The following GCGR variants were observed in gnomAD, a reference collection of about 807,000 sequenced individuals.
GCGR encodes glucagon receptor.
A neutral mutation model predicts 56.1 loss-of-function variants in GCGR; 41 were observed. The observed-to-expected ratio is 0.73, with a 90% CI of 0.57 to 0.95. The LOEUF (loss-of-function observed/expected upper bound fraction) is 0.95. Among genes scored for constraint, GCGR ranks in the 40% least tolerant of loss-of-function variants. The probability of loss-of-function intolerance (pLI) is 0.00; values close to 1 mark genes in which losing one functional copy is unlikely to be tolerated. For synonymous variants in GCGR, 278 were observed against 271.1 expected, an observed-to-expected ratio of 1.03 and a Z score of -0.25; for missense variants, 595 against 638.2, an observed-to-expected ratio of 0.93 and a Z score of 0.73.
Position 81,813,423 on chromosome 17 carries a change from TG to T in GCGR, c.1219-49del. ...AGGCCCACAGCAGGTCCCGGTGGGG[TG>T]GAGAGGACAGGCAGGCCCTAGGACT... On this transcript the variant is annotated intron_variant, in intron 13 of 13. Coordinates refer to ENST00000400723, the MANE Select transcript of GCGR (RefSeq NM_000160.5). The surrounding 1 kb of genome is among the most constrained non-coding windows in gnomAD (Gnocchi z 5.3). 3 of 1,493,272 alleles carry T rather than the reference TG, an allele frequency of 2.0e-6. No individual in the cohort carries two copies. The highest frequency in any genetic ancestry group is 2.7e-6 in the Non-Finnish European group (3 of 1,112,162). 92.5% of individuals were successfully genotyped at this position (1,493,272 alleles called of 1,614,324 possible).
rs540328540 is a variant in GCGR, at chr17:81,808,845, C to T, written c.-174C>T. On this transcript the variant is annotated 5_prime_UTR_variant, in exon 2 of 14. Transcript: ENST00000400723. The stretch of plus-strand genomic sequence containing the variant: ...CCAGCTCCCTCTTTATCCCTAGGAC[C>T]CTGAGGCTCAGAGGGGCAGCTTCAG... 112 of 755,150 alleles carry T rather than the reference C, an allele frequency of 1.5e-4. 1 individual carries two copies. In the South Asian group the frequency reaches 1.8e-3, roughly 12 times the overall value. The allele number at this position is 755,150 out of a possible 1,614,324, so 46.8% of individuals were successfully genotyped here. A position where few individuals can be genotyped will look rare whatever the true frequency, so the allele number is the denominator to read the frequency against.
chr17:81,811,039 G>T lies in GCGR; in HGVS notation c.301G>T (p.Gly101Trp). 1 of 1,536,176 alleles carries T rather than the reference G, an allele frequency of 6.5e-7. No homozygotes were observed. The highest frequency in any genetic ancestry group is 8.7e-7 in the Non-Finnish European group (1 of 1,146,864). Residue 101 changes from glycine (G) to tryptophan (W), a missense_variant, in exon 5 of 14, where the codon GGG becomes TGG. Coordinates refer to ENST00000400723, the MANE Select transcript of GCGR (RefSeq NM_000160.5). The surrounding 1 kb of genome is among the most constrained non-coding windows in gnomAD (Gnocchi z 5.8). Reference sequence around the variant, plus strand: ...ACACCGCTTCGTGTTCAAGAGATGCGGGCCCGACGGTCAGTGGGTGCGTGG... The same window carrying T: ...ACACCGCTTCGTGTTCAAGAGATGCTGGCCCGACGGTCAGTGGGTGCGTGG... ...VQHRFVFKRC[G>W]PDGQWVRGPR...
rs986325450 is a variant in GCGR at position 81,813,276 on chromosome 17, C to T, written c.1219-198C>T. The stretch of plus-strand genomic sequence containing the variant: ...TCAGCCCCATCGCTACGGTGTCCAC[C>T]GTGGGGGTCCCCAGGTGTCTGCAGA... On this transcript the variant is annotated intron_variant, in intron 13 of 13. Transcript: ENST00000400723. This position sits in a 1 kb window ranked among gnomAD's most constrained non-coding sequence, Gnocchi z 5.3. 6.6e-6 allele frequency among the ~76,000 whole-genome samples: 1 copy of T among 152,180 alleles called. No individual in the cohort carries two copies. The highest frequency in any genetic ancestry group is 1.5e-5 in the Non-Finnish European group (1 of 68,000).
Position 81,812,024 on chromosome 17 carries a change from GC to G in GCGR, c.878+80del. 2 of 1,523,078 alleles carry G rather than the reference GC, an allele frequency of 1.3e-6. No homozygotes were observed. Among genetic ancestry groups the G allele is most frequent in the Non-Finnish European group, 1.8e-6 (2 of 1,135,520 alleles). The allele number at this position is 1,523,078 out of a possible 1,614,324, so 94.3% of individuals were successfully genotyped here. On this transcript the variant is annotated intron_variant, in intron 9 of 13. Transcript: ENST00000400723. The surrounding 1 kb of genome is among the most constrained non-coding windows in gnomAD (Gnocchi z 8.5). ...GCGCTCTGGCCTGAGGCAGGGAGGG[GC>G]CGGGGATGAGCCTGGTGCCTGGGGA...
chr17:81,811,008 A>C lies in GCGR; in HGVS notation c.272-2A>C. On this transcript the variant is annotated splice_acceptor_variant, in intron 4 of 13. Transcript: ENST00000400723. LOFTEE classifies it high-confidence loss of function. The surrounding 1 kb of genome is among the most constrained non-coding windows in gnomAD (Gnocchi z 5.8). ...GACCCCAGCCTCCCCCCACACCCCC[A>C]GTGCAACACCGCTTCGTGTTCAAGA... is the stretch of plus-strand genomic sequence containing the variant. The C allele has an allele frequency of 6.5e-7, 1 of 1,535,812 alleles. No homozygotes were observed. Among genetic ancestry groups the C allele is most frequent in the South Asian group, 1.2e-5 (1 of 84,054 alleles).
At position 81,811,626 on chromosome 17, in the gene GCGR, C is replaced by T. The variant is rs1013763978; in HGVS notation, c.658-25C>T. 4.0e-5 allele frequency: 62 copies of T among 1,535,850 alleles called. No homozygotes were observed. Among genetic ancestry groups the T allele is most frequent in the Middle Eastern group, 1.7e-4 (1 of 5,956 alleles). On this transcript the variant is annotated intron_variant, in intron 7 of 13. Transcript: ENST00000400723. This position sits in a 1 kb window ranked among gnomAD's most constrained non-coding sequence, Gnocchi z 5.8. ...GCAGCCAGGCAGGTGGCCACGTAGC[C>T]GCGCTCACACTGCACCTGTACCAGG...
rs1598238076 is a variant in GCGR at position 81,811,422 on chromosome 17, C to T, written c.519C>T (p.Arg173=). ...CCCACAGCAAGCTGCACTGCACCCG[C>T]AATGCCATCCACGCGAATCTGTTTG... ...LGGLSKLHCT[R]NAIHANLFAS... The change falls in exon 7 of 14, where the codon CGC becomes CGT. Residue 173 remains arginine (R), a synonymous_variant. Transcript: ENST00000400723. This position sits in a 1 kb window ranked among gnomAD's most constrained non-coding sequence, Gnocchi z 5.8. 6.5e-7 allele frequency: 1 copy of T among 1,536,500 alleles called. No individual in the cohort carries two copies. The highest frequency in any genetic ancestry group is 1.7e-4 in the Middle Eastern group (1 of 5,990).
Position 81,813,107 on chromosome 17 carries a change from CAG to C in GCGR, c.1218+51_1218+52del. 1 of 1,534,380 alleles carries C rather than the reference CAG, an allele frequency of 6.5e-7. No homozygotes were observed. Among genetic ancestry groups the C allele is most frequent in the Non-Finnish European group, 8.7e-7 (1 of 1,146,500 alleles). On this transcript the variant is annotated intron_variant, in intron 13 of 13. Transcript: ENST00000400723. This position sits in a 1 kb window ranked among gnomAD's most constrained non-coding sequence, Gnocchi z 5.3. ...GACCATCAGCACTGGCCGTCGGGGT[CAG>C]GGGCAGAGAGAGGCACAGGGATGCC...
In GCGR at chr17:81,811,694, G is replaced by A. The variant is rs886976203; in HGVS notation, c.701G>A (p.Gly234Asp). 1 of 1,542,000 alleles carries A rather than the reference G, an allele frequency of 6.5e-7. No individual in the cohort carries two copies. The highest frequency in any genetic ancestry group is 1.4e-5 in the African/African-American group (1 of 73,338). The change falls in exon 8 of 14, where the codon GGC becomes GAC. Residue 234 changes from glycine to aspartate, a missense_variant. By Grantham distance (94) the Gly-to-Asp change is moderately conservative. Transcript: ENST00000400723. The surrounding 1 kb of genome is among the most constrained non-coding windows in gnomAD (Gnocchi z 5.8). ...GTGGCCGCGGTGTTCATGCAATATG[G>A]CATCGTGGCCAACTACTGCTGGCTG... is the stretch of plus-strand genomic sequence containing the variant. ...CRVAAVFMQY[G>D]IVANYCWLLV...
At position 81,809,552 on chromosome 17, in the gene GCGR, TGTCTGCCTGTCC is replaced by T. The variant is rs1450319599; in HGVS notation, c.61-218_61-207del. ...CTGCCTGTCTGCCCGTCTGCCTGTC[TGTCTGCCTGTCC>T]GTCTGCCTGTCTGTCCGTCTGTCCA... On this transcript the variant is annotated intron_variant, in intron 2 of 13. Coordinates refer to ENST00000400723, the MANE Select transcript of GCGR (RefSeq NM_000160.5). Among the ~76,000 whole-genome samples, 10 of 149,914 alleles carry T rather than the reference TGTCTGCCTGTCC, an allele frequency of 6.7e-5. No homozygotes were observed. The East Asian group carries it at 1.6e-3, about 24-fold the overall frequency.
At position 81,808,180 on chromosome 17, in the gene GCGR, T is replaced by C. The variant is rs577480292; in HGVS notation, c.-177-662T>C. Among the ~76,000 whole-genome samples, 3 of 152,374 alleles carry C rather than the reference T, an allele frequency of 2.0e-5. No individual in the cohort carries two copies. In the South Asian group the frequency reaches 6.2e-4, roughly 32 times the overall value. On this transcript the variant is annotated intron_variant, in intron 1 of 13. Coordinates refer to ENST00000400723, the MANE Select transcript of GCGR (RefSeq NM_000160.5). ...CAGCTGCAAGCCAGCCCAGCCACTT[T>C]GCTCGCTGTGGCACTGGGGCCAAGT...
In GCGR at chr17:81,804,468, A is replaced by G. The variant is rs1427543655; in HGVS notation, c.-178+219A>G. Among the ~76,000 whole-genome samples the G allele has an allele frequency of 2.0e-5, 3 of 151,404 alleles. No homozygotes were observed. The highest frequency in any genetic ancestry group is 3.0e-5 in the Non-Finnish European group (2 of 67,778). On this transcript the variant is annotated intron_variant, in intron 1 of 13. Coordinates refer to ENST00000400723, the MANE Select transcript of GCGR (RefSeq NM_000160.5). The surrounding 1 kb of genome is among the most constrained non-coding windows in gnomAD (Gnocchi z 8.2). Reference sequence around the variant, plus strand: ...CGGTCCTGCACCGTCGGGCAGGTCCAGGGGTCTCAGCCCCTCCCCCGTTCT... The same window carrying G: ...CGGTCCTGCACCGTCGGGCAGGTCCGGGGGTCTCAGCCCCTCCCCCGTTCT...
chr17:81,813,823 T>C lies in GCGR; in HGVS notation c.*134T>C. The C allele has an allele frequency of 3.8e-6, 3 of 788,024 alleles. No homozygotes were observed. Among genetic ancestry groups the C allele is most frequent in the Non-Finnish European group, 4.0e-6 (2 of 504,078 alleles). 48.8% of individuals were successfully genotyped at this position (788,024 alleles called of 1,614,324 possible). On this transcript the variant is annotated 3_prime_UTR_variant, in exon 14 of 14. Transcript: ENST00000400723. The surrounding 1 kb of genome is among the most constrained non-coding windows in gnomAD (Gnocchi z 5.3). ...GCCCCCACCTACCCCCCACCCCCAGTGTGGCTGTCTGCGAGATTGGGCCTC... is the reference window on the plus strand; with the variant it reads ...GCCCCCACCTACCCCCCACCCCCAGCGTGGCTGTCTGCGAGATTGGGCCTC...
chr17:81,813,879 A>G lies in GCGR; in HGVS notation c.*190A>G. ...CCTGCACCTGCCTTGTCCCTGGTGC[A>G]GAGGTGAGCAGAGGAGTCCAGGGCG... On this transcript the variant is annotated 3_prime_UTR_variant, in exon 14 of 14. Transcript: ENST00000400723. The surrounding 1 kb of genome is among the most constrained non-coding windows in gnomAD (Gnocchi z 5.3). 1.6e-6 allele frequency: 1 copy of G among 606,434 alleles called. No individual in the cohort carries two copies. The highest frequency in any genetic ancestry group is 2.9e-6 in the Non-Finnish European group (1 of 344,234). The allele number at this position is 606,434 out of a possible 1,614,324, so 37.6% of individuals were successfully genotyped here. A position where few individuals can be genotyped will look rare whatever the true frequency, so the allele number is the denominator to read the frequency against.
At chr17:81,809,147 T>TGC in intron 2 of GCGR, 69 bp downstream of exon 2, 1 of 1,044,404 alleles carries the variant, frequency 9.6e-7, no homozygotes, top group Non-Finnish European at 1.3e-6. Flanking sequence ...TGGCTCTCTG[T>TGC]CTGCCTGCCT....
rs1293102413 is a variant in GCGR, at chr17:81,812,507, G to C, written c.949-70G>C. 5.6e-6 allele frequency: 8 copies of C among 1,430,004 alleles called. No individual in the cohort carries two copies. Among genetic ancestry groups the C allele is most frequent in the African/African-American group, 1.4e-5 (1 of 70,728 alleles). 88.6% of individuals were successfully genotyped at this position (1,430,004 alleles called of 1,614,324 possible). A position where few individuals can be genotyped will look rare whatever the true frequency, so the allele number is the denominator to read the frequency against. Reference sequence around the variant, plus strand: ...GGCCCACCTGCAGGAGGGTCAGGTGGGGCCTTCCAAGGGCACAGAGCTGTT... The same window carrying C: ...GGCCCACCTGCAGGAGGGTCAGGTGCGGCCTTCCAAGGGCACAGAGCTGTT... On this transcript the variant is annotated intron_variant, in intron 10 of 13. Transcript: ENST00000400723. This position sits in a 1 kb window ranked among gnomAD's most constrained non-coding sequence, Gnocchi z 8.5.
Position 81,809,762 on chromosome 17 carries a change from C to T in GCGR, c.61-20C>T, listed in dbSNP as rs1228470514. 4 of 1,480,558 alleles carry T rather than the reference C, an allele frequency of 2.7e-6. No homozygotes were observed. Among genetic ancestry groups the T allele is most frequent in the Non-Finnish European group, 3.6e-6 (4 of 1,099,784 alleles). The allele number at this position is 1,480,558 out of a possible 1,614,324, so 91.7% of individuals were successfully genotyped here. A position where few individuals can be genotyped will look rare whatever the true frequency, so the allele number is the denominator to read the frequency against. ...GCCTGTCTGTCTGTCTGTCTGGTTG[C>T]TTGTGCATGTGTCCCCCAGCCACAG... On this transcript the variant is annotated intron_variant, in intron 2 of 13. Transcript: ENST00000400723.
intron 2 of GCGR, 56 bp from the exon 3 acceptor site, chr17:81,809,726 T>TCTGCCTGCCTGC (rs2038053422): frequency 1.2e-5 from 16 of 1,300,464 alleles, no homozygotes; most frequent in Non-Finnish European, 1.7e-5. Context: ...TGTCTGCCTG[T>TCTGCCTGCCTGC]CTGTCTGCCT....
At position 81,804,973 on chromosome 17, in the gene GCGR, T is replaced by C. The variant is rs1351192674; in HGVS notation, c.-178+724T>C. On this transcript the variant is annotated intron_variant, in intron 1 of 13. Transcript: ENST00000400723. The surrounding 1 kb of genome is among the most constrained non-coding windows in gnomAD (Gnocchi z 8.2). Reference sequence around the variant, plus strand: ...GCCCTTGGTATTGGGGACATCAGGGTTGGGGGGTCTGGGTGCACCCACGCC... The same window carrying C: ...GCCCTTGGTATTGGGGACATCAGGGCTGGGGGGTCTGGGTGCACCCACGCC... 1 of 152,684 alleles carries C rather than the reference T, an allele frequency of 6.5e-6. No individual in the cohort carries two copies. Among genetic ancestry groups the C allele is most frequent in the African/African-American group, 2.4e-5 (1 of 41,438 alleles). 9.5% of individuals were successfully genotyped at this position (152,684 alleles called of 1,614,324 possible).
Sources: allele counts gnomAD v4.1 joint callset (sites outside exome capture counted in the v4.1 genomes callset), GRCh38; gene constraint gnomAD v4.1.1; non-coding constraint Gnocchi (gnomAD v3.1); transcripts MANE v1.5; gene names NCBI Gene and HGNC (gene_info 2026-07-23, HGNC 2026-07-21).